Variants in AKR1E2 observed in about 807,000 individuals in gnomAD.
AKR1E2 encodes the protein aldo-keto reductase family 1 member E2.
In AKR1E2, 43 loss-of-function variants were observed where a neutral mutation model predicts 41.9. The observed-to-expected ratio is 1.03, with a 90% CI of 0.80 to 1.32. The LOEUF (loss-of-function observed/expected upper bound fraction) is 1.32, where lower values mean the gene tolerates loss of function less well. Among genes scored for constraint, AKR1E2 ranks in the 40% most tolerant of loss-of-function variants. AKR1E2 has a pLI of 0.00. For missense variants in AKR1E2, 423 were observed against 396.5 expected (o/e 1.07, Z -0.57); for synonymous variants, 121 against 138.9 (o/e 0.87, Z 0.91).
Position 4,826,268 on chromosome 10 carries a change from G to C in AKR1E2, c.-57G>C. 1 of 1,218,538 alleles carries C rather than the reference G, an allele frequency of 8.2e-7. No homozygotes were observed. The highest frequency in any genetic ancestry group is 4.1e-5 in the South Asian group (1 of 24,102). The allele number at this position is 1,218,538 out of a possible 1,614,324, so 75.5% of individuals were successfully genotyped here. A position where few individuals can be genotyped will look rare whatever the true frequency, so the allele number is the denominator to read the frequency against. ...CGCCAGCGCCGCAGTAGCTCGCGCGGTGCCTGTCGGTAGTCGCGTGCGGGG... is the reference window on the plus strand; with the variant it reads ...CGCCAGCGCCGCAGTAGCTCGCGCGCTGCCTGTCGGTAGTCGCGTGCGGGG... On this transcript the variant is annotated 5_prime_UTR_variant, in exon 1 of 10. Transcript: ENST00000298375.
At chr10:4,849,237 T>C (rs1262346631), downstream of AKR1E2, among the ~76,000 whole-genome samples, 1 of 152,260 alleles carries the variant, frequency 6.6e-6, no homozygotes, top group African/African-American at 2.4e-5. Flanking sequence ...GGAGAGTCTC[T>C]TGACCTTCCT....
chr10:4,853,253 T>A, the AKR1E2 span, among the ~76,000 whole-genome samples: 1 of 152,206 alleles, frequency 6.6e-6, no homozygotes, highest in East Asian at 1.9e-4. Flanking sequence ...ATTTCATATC[T>A]GAGTCTGCAT....
intron 8 of AKR1E2, 50 bp downstream of exon 8, chr10:4,842,554 TG>T: frequency 6.5e-7 from 1 of 1,540,604 alleles, no homozygotes; most frequent in Non-Finnish European, 9.0e-7. Context: ...ATGTGTTAGA[TG>T]GGAAGGGATG....
In AKR1E2 at chr10:4,835,682, A is replaced by C; in HGVS notation, c.332A>C (p.His111Pro). 6.2e-7 allele frequency: 1 copy of C among 1,613,886 alleles called. No homozygotes were observed. Among genetic ancestry groups the C allele is most frequent in the Non-Finnish European group, 8.5e-7 (1 of 1,179,956 alleles). The change falls in exon 4 of 10, where the codon CAT (histidine) becomes CCT (proline). Residue 111 changes from histidine (H) to proline (P), a missense_variant. Physicochemically the swap from His to Pro is moderately conservative, Grantham distance 77. Coordinates refer to ENST00000298375, the MANE Select transcript of AKR1E2 (RefSeq NM_001040177.3). ...IHWPMGFKPPHPEWIMSCSEL... is the reference protein window; with the variant it reads ...IHWPMGFKPPPPEWIMSCSEL... Reference sequence around the variant, plus strand: ...AACTCTCCTTCTTCGCAGCCTCCTCATCCAGAATGGATCATGAGCTGCAGT... The same window carrying C: ...AACTCTCCTTCTTCGCAGCCTCCTCCTCCAGAATGGATCATGAGCTGCAGT...
At chr10:4,840,842 C>T (rs1833819023) in intron 6 of AKR1E2, among the ~76,000 whole-genome samples, 1 of 152,186 alleles carries the variant, frequency 6.6e-6, no homozygotes, top group African/African-American at 2.4e-5. Flanking sequence ...GCCCTTGTCA[C>T]ACTGTCTTGT....
chr10:4,870,966 G>A, the AKR1E2 span, among the ~76,000 whole-genome samples: 1 of 152,128 alleles, frequency 6.6e-6, no homozygotes, highest in East Asian at 1.9e-4. Flanking sequence ...TTGAAGCTCT[G>A]TTCCTTTTCT....
At chr10:4,869,578 C>T in the AKR1E2 span, among the ~76,000 whole-genome samples, 6 of 151,660 alleles carry the variant, frequency 4.0e-5, no homozygotes, top group African/African-American at 1.5e-4. Flanking sequence ...TTATTTTGCT[C>T]TACCTTTTCT....
chr10:4,863,436 G>C, the AKR1E2 span, among the ~76,000 whole-genome samples: 12 of 152,184 alleles, frequency 7.9e-5, no homozygotes, highest in African/African-American at 2.9e-4. Flanking sequence ...CAACATACCA[G>C]AATCTCTGGG....
chr10:4,870,498 A>AT, the AKR1E2 span, among the ~76,000 whole-genome samples: 2 of 28,388 alleles, frequency 7.0e-5, no homozygotes, highest in Admixed American at 1.1e-3. Flanking sequence ...AAAATCTTTT[A>AT]TTTTACCTTC....
At chr10:4,831,675 A>C (rs944239360) in intron 2 of AKR1E2, among the ~76,000 whole-genome samples, 1 of 152,174 alleles carries the variant, frequency 6.6e-6, no homozygotes, top group Non-Finnish European at 1.5e-5. Flanking sequence ...GACACAACCA[A>C]ACCAAATCAC....
chr10:4,833,051 G>A (rs982309402), intron 2 of AKR1E2, among the ~76,000 whole-genome samples: 3 of 152,136 alleles, frequency 2.0e-5, no homozygotes, highest in Non-Finnish European at 2.9e-5. Context: ...TTTCATTTTC[G>A]TTTTTGTTTT....
the AKR1E2 span, among the ~76,000 whole-genome samples, chr10:4,857,538 A>G: frequency 2.1e-3 from 327 of 152,260 alleles, 2 homozygotes; most frequent in African/African-American, 7.6e-3. Flanking sequence ...TGCTTTCTAT[A>G]CAGCCTGTGG....
At chr10:4,869,287 TTA>T in the AKR1E2 span, among the ~76,000 whole-genome samples, 2 of 152,182 alleles carry the variant, frequency 1.3e-5, no homozygotes, top group African/African-American at 4.8e-5. Flanking sequence ...AATTGGTCCA[TTA>T]TATAACTTGT....
the AKR1E2 span, among the ~76,000 whole-genome samples, chr10:4,856,755 G>A: frequency 6.6e-6 from 1 of 152,146 alleles, no homozygotes. Context: ...ATGGCACAGA[G>A]GTAACCAAAT....
At chr10:4,844,630 G>C (rs528667657) in intron 8 of AKR1E2, among the ~76,000 whole-genome samples, 2 of 150,588 alleles carry the variant, frequency 1.3e-5, no homozygotes, top group South Asian at 4.2e-4. Flanking sequence ...AGATTAGCTA[G>C]ATACAGAGTG....
At chr10:4,858,823 A>T in the AKR1E2 span, among the ~76,000 whole-genome samples, 1 of 131,990 alleles carries the variant, frequency 7.6e-6, no homozygotes, top group Non-Finnish European at 1.6e-5. Context: ...AGGAATTTGG[A>T]TTTTTTTTTT....
upstream of AKR1E2, chr10:4,826,138 GC>G (rs547005780): frequency 4.1e-3 from 1,779 of 431,558 alleles, 8 homozygotes; most frequent in Non-Finnish European, 2.8e-3. Flanking sequence ...TCAGTGCCCG[GC>G]GCGCGACACC....
chr10:4,834,498 T>C (rs1177242430), intron 3 of AKR1E2, among the ~76,000 whole-genome samples: 1 of 152,196 alleles, frequency 6.6e-6, no homozygotes, highest in Non-Finnish European at 1.5e-5. Context: ...TACAGCTGTA[T>C]TACACTCATT....
chr10:4,864,247 A>G, the AKR1E2 span, among the ~76,000 whole-genome samples: 1 of 152,154 alleles, frequency 6.6e-6, no homozygotes, highest in African/African-American at 2.4e-5. Context: ...CAGCACATCA[A>G]AAAGCTTATC....
Sources: gnomAD v4.1 joint callset for allele counts (sites outside exome capture counted in the v4.1 genomes callset) on GRCh38, gnomAD v4.1.1 for gene constraint, MANE v1.5 for transcripts, NCBI Gene and HGNC (gene_info 2026-07-23, HGNC 2026-07-21) for gene names.